Variants in ANKRD28 observed in about 807,000 individuals in gnomAD.
ANKRD28 encodes the protein serine/threonine-protein phosphatase 6 regulatory ankyrin repeat subunit A.
A neutral mutation model predicts 126.5 loss-of-function variants in ANKRD28; 44 were observed. That is an observed-to-expected ratio of 0.35 (90% confidence interval 0.27 to 0.45). The LOEUF (loss-of-function observed/expected upper bound fraction) is 0.45, where lower values mean the gene tolerates loss of function less well. ANKRD28 is among the 20% of genes least tolerant of loss of function. ANKRD28 has a pLI of 1.00. For missense variants in ANKRD28, 1,110 were observed against 1,316.6 expected, an observed-to-expected ratio of 0.84 and a Z score of 2.43; for synonymous variants, 442 against 468.5, an observed-to-expected ratio of 0.94 and a Z score of 0.73.
chr3:15,683,343 T>G (rs1478184146), intron 21 of ANKRD28, among the ~76,000 whole-genome samples: 1 of 152,198 alleles, frequency 6.6e-6, no homozygotes, highest in Non-Finnish European at 1.5e-5. Flanking sequence ...TCAAGTCACA[T>G]TACAGAAACA....
intron 8 of ANKRD28, among the ~76,000 whole-genome samples, chr3:15,717,953 T>G (rs907121170): frequency 2.1e-4 from 32 of 152,274 alleles, no homozygotes; most frequent in Admixed American, 2.0e-4. Context: ...GAGAATGTAG[T>G]AGGAGGAAAA....
At chr3:15,789,046 T>C (rs145442918) in intron 2 of ANKRD28, among the ~76,000 whole-genome samples, 1 of 152,286 alleles carries the variant, frequency 6.6e-6, no homozygotes, top group African/African-American at 2.4e-5. Flanking sequence ...CACTCTGCTT[T>C]TAAAACATTT....
chr3:15,737,308 G>GT (rs2075083709), intron 4 of ANKRD28, 75 bp from the exon 5 acceptor site: 1 of 1,259,384 alleles, frequency 7.9e-7, no homozygotes, highest in African/African-American at 1.5e-5. Context: ...TAGTGTGCGT[G>GT]TGTGTGTATA....
chr3:15,685,373 T>C lies in ANKRD28; in HGVS notation c.2242A>G (p.Arg748Gly), dbSNP rs763694137. Residue 748 changes from arginine (R) to glycine (G), a missense_variant, in exon 21 of 28, where the codon AGG (arginine) becomes GGG (glycine). Arg to Gly is a moderately radical substitution (Grantham distance 125). Coordinates refer to ENST00000683139, the MANE Select transcript of ANKRD28 (RefSeq NM_001349278.2). ...GACAGGTGTATAGGCGTCCGGCCCCTGCTATCCCGAAGTAAGCACTTAGCA... is the reference window on the plus strand; with the variant it reads ...GACAGGTGTATAGGCGTCCGGCCCCCGCTATCCCGAAGTAAGCACTTAGCA... ...HGAKCLLRDS[R>G]GRTPIHLSAA... The C allele has an allele frequency of 9.9e-6, 16 of 1,614,004 alleles. No homozygotes were observed. In the South Asian group the frequency reaches 1.8e-4, roughly 18 times the overall value.
At chr3:15,673,985 G>A (rs749754346) in intron 27 of ANKRD28, among the ~76,000 whole-genome samples, 3 of 151,612 alleles carry the variant, frequency 2.0e-5, no homozygotes, top group African/African-American at 7.3e-5. Context: ...AGACCGGCCT[G>A]GACAATATAG....
At chr3:15,706,705 A>G (rs1301656179) in intron 14 of ANKRD28, among the ~76,000 whole-genome samples, 2 of 152,186 alleles carry the variant, frequency 1.3e-5, no homozygotes, top group Admixed American at 1.3e-4. Flanking sequence ...TAGTCCCACC[A>G]ACAGTATAAA....
chr3:15,691,227 G>A (rs1045375428), intron 17 of ANKRD28, among the ~76,000 whole-genome samples: 2 of 151,794 alleles, frequency 1.3e-5, no homozygotes, highest in African/African-American at 4.8e-5. Context: ...GGGTTCAAGC[G>A]ATTCTCCTGT....
Position 15,838,488 on chromosome 3 carries a change from C to T in ANKRD28, c.27+20889G>A, listed in dbSNP as rs949919619. 1.2e-4 allele frequency among the ~76,000 whole-genome samples: 19 copies of T among 152,166 alleles called. No individual in the cohort carries two copies. The highest frequency in any genetic ancestry group is 5.2e-4 in the Admixed American group (8 of 15,282). ...CATGGTGGGCTCACACCTATAATCC[C>T]AGCACTTTGGGAGGCCGAGGCGGGC... On this transcript the variant is annotated intron_variant, in intron 1 of 27. Coordinates refer to the ANKRD28 transcript ENST00000399451. This position sits in a 1 kb window ranked among gnomAD's most constrained non-coding sequence, Gnocchi z 4.0.
chr3:15,748,681 T>C (rs1316195512), intron 4 of ANKRD28, among the ~76,000 whole-genome samples: 1 of 152,206 alleles, frequency 6.6e-6, no homozygotes, highest in Non-Finnish European at 1.5e-5. Flanking sequence ...GGTGATAATC[T>C]TTCTGTGATG....
intron 23 of ANKRD28, among the ~76,000 whole-genome samples, chr3:15,678,934 C>A (rs1329018008): frequency 2.6e-5 from 4 of 152,068 alleles, no homozygotes; most frequent in Non-Finnish European, 4.4e-5. Flanking sequence ...TCTCTCACAC[C>A]AGCCAGTAGT....
At chr3:15,685,535 T>A in intron 20 of ANKRD28, 90 bp from the exon 21 acceptor site, 1 of 1,091,754 alleles carries the variant, frequency 9.2e-7, no homozygotes. Context: ...AAGACCATAC[T>A]CTCCATATCC....
chr3:15,744,531 G>T (rs1229595051), intron 4 of ANKRD28, among the ~76,000 whole-genome samples: 10 of 149,348 alleles, frequency 6.7e-5, no homozygotes, highest in African/African-American at 2.5e-4. Context: ...TGGCCAGGCT[G>T]GTCTTGAACT....
chr3:15,751,792 T>G lies in ANKRD28; in HGVS notation c.309A>C (p.Lys103Asn). Residue 103 changes from lysine (K) to asparagine (N), a missense_variant, in exon 4 of 28, where the codon AAA becomes AAC. Physicochemically the swap from Lys to Asn is moderately conservative, Grantham distance 94 (BLOSUM62 0). Coordinates refer to ENST00000683139, the MANE Select transcript of ANKRD28 (RefSeq NM_001349278.2). ...SGARVNAKDS[K>N]WLTPLHRAVA... ...CTGCTCTGTGTAAAGGTGTCAACCATTTGCTGTCTTTGGCATTAACTCTAG... is the reference window on the plus strand; with the variant it reads ...CTGCTCTGTGTAAAGGTGTCAACCAGTTGCTGTCTTTGGCATTAACTCTAG... 1 of 1,587,674 alleles carries G rather than the reference T, an allele frequency of 6.3e-7. No homozygotes were observed. Among genetic ancestry groups the G allele is most frequent in the Non-Finnish European group, 8.6e-7 (1 of 1,166,382 alleles).
intron 2 of ANKRD28, among the ~76,000 whole-genome samples, chr3:15,792,270 A>T (rs960104748): frequency 6.6e-6 from 1 of 152,172 alleles, no homozygotes; most frequent in Non-Finnish European, 1.5e-5. Flanking sequence ...CTGCACTCCT[A>T]TGTTTGTTGC....
At chr3:15,764,799 C>G (rs921462263) in intron 3 of ANKRD28, among the ~76,000 whole-genome samples, 1 of 152,062 alleles carries the variant, frequency 6.6e-6, no homozygotes, top group Admixed American at 6.6e-5. Flanking sequence ...TAATAAGGAA[C>G]AGGCATCTTC....
intron 2 of ANKRD28, among the ~76,000 whole-genome samples, chr3:15,772,148 C>T (rs1242207267): frequency 6.6e-6 from 1 of 151,918 alleles, no homozygotes; most frequent in Non-Finnish European, 1.5e-5. Context: ...ATAATTTAAG[C>T]TTTCACTTAA....
chr3:15,756,981 A>G (rs1353243823), intron 3 of ANKRD28, among the ~76,000 whole-genome samples: 1 of 152,112 alleles, frequency 6.6e-6, no homozygotes, highest in Non-Finnish European at 1.5e-5. Context: ...GAGTCCACTT[A>G]TATGTAGATT....
At chr3:15,726,067 T>C (rs1325054138) in intron 6 of ANKRD28, among the ~76,000 whole-genome samples, 8 of 152,142 alleles carry the variant, frequency 5.3e-5, no homozygotes, top group Non-Finnish European at 1.0e-4. Flanking sequence ...ACTTAATAAA[T>C]GTTGTATATT....
At chr3:15,747,851 G>A (rs1179578751) in intron 4 of ANKRD28, among the ~76,000 whole-genome samples, 2 of 152,188 alleles carry the variant, frequency 1.3e-5, no homozygotes, top group Non-Finnish European at 2.9e-5. Flanking sequence ...AGTAGTCACT[G>A]TTTTATAAAT....
Sources: allele counts gnomAD v4.1 joint callset (sites outside exome capture counted in the v4.1 genomes callset), GRCh38; gene constraint gnomAD v4.1.1; non-coding constraint Gnocchi (gnomAD v3.1); transcripts MANE v1.5; gene names NCBI Gene and HGNC (gene_info 2026-07-23, HGNC 2026-07-21).